Variants in PTPRT observed in about 807,000 individuals in gnomAD.
PTPRT encodes the protein protein tyrosine phosphatase receptor type T, also known as receptor-type tyrosine-protein phosphatase T.
PTPRT carries 56 observed loss-of-function variants against 176.8 expected under a neutral mutation model. The observed-to-expected ratio is 0.32, with a 90% CI of 0.26 to 0.40. The LOEUF (loss-of-function observed/expected upper bound fraction) is 0.40, where lower values mean the gene tolerates loss of function less well. Among genes scored for constraint, PTPRT ranks in the 10% least tolerant of loss-of-function variants. The pLI is 1.00. For synonymous variants in PTPRT, 783 were observed against 739.0 expected, an observed-to-expected ratio of 1.06 and a Z score of -0.96; for missense variants, 1,540 against 1,908.2, an observed-to-expected ratio of 0.81 and a Z score of 3.60.
chr20:42,086,294 T>C (rs1321163169), intron 27 of PTPRT, among the ~76,000 whole-genome samples: 1 of 152,160 alleles, frequency 6.6e-6, no homozygotes, highest in Non-Finnish European at 1.5e-5. Flanking sequence ...GGTAGAGTAT[T>C]ATGTAGGAAA....
intron 7 of PTPRT, among the ~76,000 whole-genome samples, chr20:42,638,774 C>T (rs143142737): frequency 2.8e-4 from 42 of 152,208 alleles, no homozygotes; most frequent in African/African-American, 1.0e-3. Flanking sequence ...ATTTTAGTCA[C>T]ATTGTTTCTG....
intron 1 of PTPRT, among the ~76,000 whole-genome samples, chr20:43,173,885 C>A (rs559134965): frequency 2.1e-4 from 32 of 152,272 alleles, no homozygotes; most frequent in African/African-American, 7.7e-4. Context: ...TTCTAACATT[C>A]GACATCACAT....
intron 1 of PTPRT, among the ~76,000 whole-genome samples, chr20:42,994,497 G>A (rs934345757): frequency 6.6e-6 from 1 of 151,798 alleles, no homozygotes; most frequent in Non-Finnish European, 1.5e-5. Context: ...AAACTCAGGT[G>A]CTACTGGAAC....
At chr20:42,146,275 G>T (rs1425188524) in intron 17 of PTPRT, among the ~76,000 whole-genome samples, 3 of 152,134 alleles carry the variant, frequency 2.0e-5, no homozygotes, top group Non-Finnish European at 4.4e-5. Flanking sequence ...ATTGAGGGTG[G>T]ATTTTGTACC....
At chr20:43,145,865 A>C (rs2014152391) in intron 1 of PTPRT, among the ~76,000 whole-genome samples, 1 of 152,254 alleles carries the variant, frequency 6.6e-6, no homozygotes. Flanking sequence ...CCTTGAATTA[A>C]AATCATAGTC....
At chr20:42,108,581 C>CTAT (rs942628924) in intron 23 of PTPRT, among the ~76,000 whole-genome samples, 7 of 152,104 alleles carry the variant, frequency 4.6e-5, no homozygotes, top group Admixed American at 1.3e-4. Context: ...GAAATTATTA[C>CTAT]TATTATATTC....
intron 16 of PTPRT, among the ~76,000 whole-genome samples, chr20:42,196,256 C>T (rs1018353494): frequency 2.6e-5 from 4 of 152,160 alleles, no homozygotes; most frequent in South Asian, 2.1e-4. Flanking sequence ...AACTTCTCTG[C>T]CCCAGAGCCG....
intron 11 of PTPRT, among the ~76,000 whole-genome samples, chr20:42,322,213 C>T (rs2057809371): frequency 6.6e-6 from 1 of 151,576 alleles, no homozygotes; most frequent in Non-Finnish European, 1.5e-5. Context: ...CAATGCCATC[C>T]CCATCAAGTT....
intron 15 of PTPRT, among the ~76,000 whole-genome samples, chr20:42,234,389 G>A (rs559827693): frequency 1.0e-3 from 155 of 152,310 alleles, no homozygotes; most frequent in Middle Eastern, 3.4e-3. Context: ...CATGAGCCCA[G>A]AGCTGCGTCA....
chr20:42,733,321 G>A (rs902673282), intron 6 of PTPRT, among the ~76,000 whole-genome samples: 3 of 152,128 alleles, frequency 2.0e-5, no homozygotes, highest in Non-Finnish European at 2.9e-5. Flanking sequence ...TCTGAAACAC[G>A]GGCTCATTTA....
At chr20:42,171,401 C>A (rs1405999867) in intron 16 of PTPRT, among the ~76,000 whole-genome samples, 1 of 152,110 alleles carries the variant, frequency 6.6e-6, no homozygotes, top group Non-Finnish European at 1.5e-5. Context: ...TATAAAAATT[C>A]TTGGCTAAAA....
At chr20:42,875,203 G>T (rs1201291855) in intron 2 of PTPRT, among the ~76,000 whole-genome samples, 1 of 152,214 alleles carries the variant, frequency 6.6e-6, no homozygotes, top group Admixed American at 6.5e-5. Flanking sequence ...TTATCTGGCA[G>T]CTGTATATTC....
At chr20:42,744,275 C>T (rs1468115427) in intron 6 of PTPRT, among the ~76,000 whole-genome samples, 1 of 152,234 alleles carries the variant, frequency 6.6e-6, no homozygotes, top group East Asian at 1.9e-4. Flanking sequence ...TGTCTCTAAC[C>T]CCTTCCCATA....
chr20:42,737,197 G>A (rs2076553733), intron 6 of PTPRT, among the ~76,000 whole-genome samples: 1 of 152,158 alleles, frequency 6.6e-6, no homozygotes, highest in South Asian at 2.1e-4. Context: ...ATCAATGACT[G>A]GCATCCTTCT....
chr20:42,998,715 T>C (rs1984364133), intron 1 of PTPRT, among the ~76,000 whole-genome samples: 1 of 152,232 alleles, frequency 6.6e-6, no homozygotes, highest in African/African-American at 2.4e-5. Flanking sequence ...ATTTCAGTCT[T>C]ATTTAAGAAT....
At chr20:43,188,752 G>GGT (rs1555845644) in intron 1 of PTPRT, among the ~76,000 whole-genome samples, 5 of 135,940 alleles carry the variant, frequency 3.7e-5, no homozygotes, top group South Asian at 2.1e-4. Context: ...CTACTCTTGG[G>GGT]GGGGGGGGGG....
intron 5 of PTPRT, among the ~76,000 whole-genome samples, chr20:42,764,704 G>A (rs2076959064): frequency 6.6e-6 from 1 of 152,158 alleles, no homozygotes; most frequent in African/African-American, 2.4e-5. Flanking sequence ...TATAAACAGG[G>A]CTACAATCAC....
chr20:43,071,966 G>A (rs1209564955), intron 1 of PTPRT, among the ~76,000 whole-genome samples: 4 of 152,324 alleles, frequency 2.6e-5, no homozygotes, highest in African/African-American at 9.6e-5. Flanking sequence ...GCCTATCTCA[G>A]GCATACTGCC....
chr20:42,916,498 T>C (rs1307079582), intron 1 of PTPRT, among the ~76,000 whole-genome samples: 1 of 152,218 alleles, frequency 6.6e-6, no homozygotes, highest in Non-Finnish European at 1.5e-5. Context: ...GATTGCTGGG[T>C]TAAATGCTAT....
Sources: allele counts gnomAD v4.1 joint callset (sites outside exome capture counted in the v4.1 genomes callset), GRCh38; gene constraint gnomAD v4.1.1; transcripts MANE v1.5; gene names NCBI Gene and HGNC (gene_info 2026-07-23, HGNC 2026-07-21).